The following MAF variants were observed in gnomAD, a reference collection of about 807,000 sequenced individuals.
MAF encodes the protein MAF bZIP transcription factor, also known as transcription factor Maf.
In MAF, 10 loss-of-function variants were observed where a neutral mutation model predicts 22.0. The observed-to-expected ratio is 0.45, with a 90% confidence interval of 0.28 to 0.77. The LOEUF is 0.77. Among genes scored for constraint, MAF ranks in the 30% least tolerant of loss-of-function variants. MAF has a pLI of 0.12. For synonymous variants in MAF, 337 were observed against 255.8 expected (o/e 1.32, Z -3.03); for missense variants, 544 against 548.4 (o/e 0.99, Z 0.08).
At chr16:79,301,834 T>C in the MAF span, among the ~76,000 whole-genome samples, 1 of 152,218 alleles carries the variant, frequency 6.6e-6, no homozygotes, top group Non-Finnish European at 1.5e-5. Flanking sequence ...ATCCCCATAA[T>C]GACCCTGTGA....
At chr16:79,598,595 T>TGG (rs1436385722) in intron 1 of MAF, 190 bp downstream of exon 1, 2 of 1,477,566 alleles carry the variant, frequency 1.4e-6, no homozygotes, top group Non-Finnish European at 9.0e-7. Context: ...TGTGTGTGTG[T>TGG]GTGTGTGTGT....
chr16:79,417,300 T>C, the MAF span, among the ~76,000 whole-genome samples: 1 of 152,110 alleles, frequency 6.6e-6, no homozygotes, highest in Admixed American at 6.5e-5. Context: ...ATAGAAACAA[T>C]CAGATATCAC....
At chr16:79,325,898 G>C in the MAF span, among the ~76,000 whole-genome samples, 3 of 152,134 alleles carry the variant, frequency 2.0e-5, no homozygotes, top group East Asian at 5.8e-4. Context: ...AAGTCTTCAA[G>C]GAAGGTATCT....
chr16:79,449,740 G>A, the MAF span, among the ~76,000 whole-genome samples: 2 of 152,090 alleles, frequency 1.3e-5, no homozygotes, highest in Non-Finnish European at 2.9e-5. Flanking sequence ...AATAGCAGTC[G>A]TTTCACCAGA....
chr16:79,404,976 G>C, the MAF span, among the ~76,000 whole-genome samples: 14 of 152,148 alleles, frequency 9.2e-5, no homozygotes, highest in Non-Finnish European at 1.8e-4. Flanking sequence ...AGATGCTGTT[G>C]GTTAGTACCG....
the MAF span, among the ~76,000 whole-genome samples, chr16:79,545,497 CA>C: frequency 6.7e-6 from 1 of 148,860 alleles, no homozygotes; most frequent in Admixed American, 6.8e-5. Flanking sequence ...GGACCCCATG[CA>C]GAATTCCAGT....
chr16:79,403,871 T>C, the MAF span, among the ~76,000 whole-genome samples: 1 of 152,174 alleles, frequency 6.6e-6, no homozygotes, highest in Non-Finnish European at 1.5e-5. Flanking sequence ...GAGCCTTTCT[T>C]TGTGGCATGG....
chr16:79,223,450 G>C, the MAF span, among the ~76,000 whole-genome samples: 1 of 152,120 alleles, frequency 6.6e-6, no homozygotes, highest in Non-Finnish European at 1.5e-5. Context: ...ACAATTAAAA[G>C]AACTAGAGAA....
chr16:79,240,165 A>G, the MAF span, among the ~76,000 whole-genome samples: 20 of 151,898 alleles, frequency 1.3e-4, no homozygotes, highest in African/African-American at 4.6e-4. Context: ...GAGAAAAACT[A>G]TATGTGAAAA....
the MAF span, among the ~76,000 whole-genome samples, chr16:79,339,710 G>C: frequency 2.0e-5 from 3 of 152,120 alleles, no homozygotes; most frequent in Admixed American, 2.0e-4. Context: ...ACCATAGAAA[G>C]GGAGAATGCA....
the MAF span, among the ~76,000 whole-genome samples, chr16:79,573,748 G>C: frequency 7.9e-5 from 12 of 152,294 alleles, no homozygotes; most frequent in Non-Finnish European, 1.6e-4. Flanking sequence ...AGAACATTAA[G>C]TAATAGCACT....
the MAF span, among the ~76,000 whole-genome samples, chr16:79,549,295 G>A: frequency 0.02 from 2,972 of 152,228 alleles, 81 homozygotes; most frequent in South Asian, 0.067. Context: ...CCATGAGGTC[G>A]ACGCTATGAA....
chr16:79,560,101 G>A, the MAF span, among the ~76,000 whole-genome samples: 5 of 151,982 alleles, frequency 3.3e-5, no homozygotes, highest in African/African-American at 9.7e-5. Flanking sequence ...TGTAGAGATG[G>A]GGTCTTGCTA....
the MAF span, among the ~76,000 whole-genome samples, chr16:79,330,284 G>C: frequency 2.0e-5 from 3 of 152,220 alleles, no homozygotes; most frequent in African/African-American, 7.2e-5. Flanking sequence ...AAATGTGTAT[G>C]TGGTAGATAT....
the MAF span, among the ~76,000 whole-genome samples, chr16:79,323,243 G>C: frequency 6.7e-6 from 1 of 149,140 alleles, no homozygotes; most frequent in Non-Finnish European, 1.5e-5. Flanking sequence ...TCTAGTCCCG[G>C]GGGTTCAACT....
the MAF span, among the ~76,000 whole-genome samples, chr16:79,486,369 C>T: frequency 6.6e-6 from 1 of 152,254 alleles, no homozygotes; most frequent in East Asian, 1.9e-4. Flanking sequence ...CTTAGATTCG[C>T]CCTGGTCATT....
the MAF span, among the ~76,000 whole-genome samples, chr16:79,335,054 G>A: frequency 7.9e-5 from 12 of 151,576 alleles, no homozygotes; most frequent in Middle Eastern, 3.2e-3. Flanking sequence ...GCATGGTGGC[G>A]TGTGCCTGTA....
chr16:79,546,726 T>G, the MAF span, among the ~76,000 whole-genome samples: 1 of 152,104 alleles, frequency 6.6e-6, no homozygotes, highest in Non-Finnish European at 1.5e-5. Context: ...AGTTTCCGCC[T>G]CTATAAATGG....
chr16:79,212,802 ATTC>A, the MAF span: 1 of 152,134 alleles, frequency 6.6e-6, no homozygotes, highest in Non-Finnish European at 1.5e-5. Context: ...GGAAAACACG[ATTC>A]TTGTTTCTTC....
Sources: allele counts gnomAD v4.1 joint callset (sites outside exome capture counted in the v4.1 genomes callset), GRCh38; gene constraint gnomAD v4.1.1; transcripts MANE v1.5; gene names NCBI Gene and HGNC (gene_info 2026-07-23, HGNC 2026-07-21).